FAM151A: variants seen among roughly 807,000 people sequenced by gnomAD.
FAM151A encodes the protein family with sequence similarity 151 member A.
FAM151A carries 41 observed loss-of-function variants against 40.4 expected under a neutral mutation model. The observed-to-expected ratio is 1.01, with a 90% CI of 0.79 to 1.32. The LOEUF (loss-of-function observed/expected upper bound fraction) is 1.32. FAM151A is among the 40% of genes most tolerant of loss of function. The pLI is 0.00. For synonymous variants in FAM151A, 337 were observed against 312.5 expected, an observed-to-expected ratio of 1.08 and a Z score of -0.83; for missense variants, 740 against 740.4, an observed-to-expected ratio of 1.00 and a Z score of 0.01.
chr1:54,616,168 G>A lies in FAM151A; in HGVS notation c.267C>T (p.Asn89=), dbSNP rs142814457. 3 of 1,613,206 alleles carry A rather than the reference G, an allele frequency of 1.9e-6. No homozygotes were observed. The highest frequency in any genetic ancestry group is 1.1e-5 in the South Asian group (1 of 90,960). ...TGACGTCAGCCTCCAGGACTGTGAT[G>A]TTGCCTGTGGAAGGGGCAACAACTC... is the stretch of plus-strand genomic sequence containing the variant. ...KKAMTAALNS[N]ITVLEADVNV... The change falls in exon 3 of 8, where the codon AAC becomes AAT. Residue 89 remains asparagine, a synonymous_variant. Transcript: ENST00000302250.
In FAM151A at chr1:54,611,667, A is replaced by G. The variant is rs1401424698; in HGVS notation, c.879T>C (p.Ala293=). The G allele has an allele frequency of 6.2e-7, 1 of 1,614,094 alleles. No individual in the cohort carries two copies. The highest frequency in any genetic ancestry group is 8.5e-7 in the Non-Finnish European group (1 of 1,179,986). Residue 293 remains alanine, a synonymous_variant, in exon 6 of 8, where the codon GCT becomes GCC. Coordinates refer to ENST00000302250, the MANE Select transcript of FAM151A (RefSeq NM_176782.3). The stretch of plus-strand genomic sequence containing the variant: ...AGATGTCATAGTAGACTTGGTGGAC[A>G]GCAGTGTTATCCCGGACGTAGAGCA... ...EDLLYVRDNT[A]VHQVYYDIFE...
intron 2 of FAM151A, 88 bp from the exon 3 acceptor site, chr1:54,616,260 C>A: frequency 2.5e-6 from 3 of 1,181,290 alleles, no homozygotes; most frequent in Non-Finnish European, 3.6e-6. Flanking sequence ...AATTACAGAA[C>A]ATTTGAGAAA....
At chr1:54,620,115 A>G in intron 1 of FAM151A, 108 bp from the exon 2 acceptor site, 1 of 1,191,092 alleles carries the variant, frequency 8.4e-7, no homozygotes, top group Non-Finnish European at 1.2e-6. Context: ...CCAGTACCCC[A>G]TCTGGCAGAG....
At chr1:54,615,648 G>A (rs2101019720) in intron 3 of FAM151A, among the ~76,000 whole-genome samples, 2 of 152,170 alleles carry the variant, frequency 1.3e-5, no homozygotes, top group Middle Eastern at 6.8e-3. Flanking sequence ...TTATGGTGAC[G>A]CCTGGATTCT....
chr1:54,618,228 G>A (rs536246663), intron 2 of FAM151A, among the ~76,000 whole-genome samples: 28 of 152,284 alleles, frequency 1.8e-4, no homozygotes, highest in African/African-American at 6.7e-4. Context: ...CCTCAGCCGG[G>A]CGCGGTGGCT....
chr1:54,613,500 C>G (rs1440010855), intron 4 of FAM151A, among the ~76,000 whole-genome samples: 1 of 151,992 alleles, frequency 6.6e-6, no homozygotes, highest in Non-Finnish European at 1.5e-5. Flanking sequence ...GTTGCCCAGG[C>G]TGGTCTCAAA....
At chr1:54,623,219 G>A in intron 1 of FAM151A, 59 bp downstream of exon 1, 1 of 1,120,714 alleles carries the variant, frequency 8.9e-7, no homozygotes, top group Non-Finnish European at 1.3e-6. Context: ...GTGAGAAGTG[G>A]GGATAAGGAG....
At chr1:54,612,838 C>T (rs772858122) in intron 4 of FAM151A, 128 bp from the exon 5 acceptor site, 2 of 682,540 alleles carry the variant, frequency 2.9e-6, no homozygotes, top group African/African-American at 3.6e-5. Flanking sequence ...AAGCAGAGTC[C>T]CAAAGGACAG....
chr1:54,615,155 T>C (rs1022834486), intron 3 of FAM151A, among the ~76,000 whole-genome samples: 2 of 151,992 alleles, frequency 1.3e-5, no homozygotes, highest in African/African-American at 4.8e-5. Context: ...GGGAATCAAG[T>C]CTCTGCTGAA....
intron 4 of FAM151A, among the ~76,000 whole-genome samples, chr1:54,613,293 C>T (rs568779892): frequency 5.5e-4 from 84 of 152,088 alleles, no homozygotes; most frequent in African/African-American, 1.9e-3. Flanking sequence ...GCAGGAAAAT[C>T]GCTTGAACCC....
chr1:54,610,641 C>G (rs1644108203), intron 6 of FAM151A, 86 bp from the exon 7 acceptor site: 7 of 1,538,958 alleles, frequency 4.5e-6, no homozygotes, highest in African/African-American at 4.1e-5. Flanking sequence ...GGCCACAGCT[C>G]TACGGGCATC....
Position 54,612,536 on chromosome 1 carries a change from C to A in FAM151A, c.750G>T (p.Met250Ile). 6.2e-7 allele frequency: 1 copy of A among 1,614,060 alleles called. No homozygotes were observed. The highest frequency in any genetic ancestry group is 1.1e-5 in the South Asian group (1 of 91,082). ...TGAAGTGGGGCCAGGCAGCCCGCAC[C>A]ATGGAAGACCGTACAGGGAAGGTGA... ...QRVTFPVRSS[M>I]VRAAWPHFSW... Residue 250 changes from methionine (M) to isoleucine (I), a missense_variant, in exon 5 of 8, where the codon ATG becomes ATT. By Grantham distance (10) the Met-to-Ile change is conservative. Coordinates refer to ENST00000302250, the MANE Select transcript of FAM151A (RefSeq NM_176782.3).
At chr1:54,613,714 C>T (rs1644142416) in intron 4 of FAM151A, among the ~76,000 whole-genome samples, 1 of 152,126 alleles carries the variant, frequency 6.6e-6, no homozygotes, top group African/African-American at 2.4e-5. Flanking sequence ...CCAAAAAAAC[C>T]CTACTGAGTA....
In FAM151A at chr1:54,609,191, C is replaced by G. The variant is rs1365582408; in HGVS notation, c.*77G>C. On this transcript the variant is annotated 3_prime_UTR_variant, in exon 8 of 8. Coordinates refer to ENST00000302250, the MANE Select transcript of FAM151A (RefSeq NM_176782.3). ...CTCACATACAGTGCCTGGAGAAAGC[C>G]AAAGACCTTTATTTCTTCCTGCCTC... 5.0e-6 allele frequency: 8 copies of G among 1,600,030 alleles called. No individual in the cohort carries two copies. The highest frequency in any genetic ancestry group is 1.3e-5 in the African/African-American group (1 of 74,686).
At position 54,609,971 on chromosome 1, in the gene FAM151A, T is replaced by C. The variant is rs886123305; in HGVS notation, c.1085-30A>G. 9 of 1,585,548 alleles carry C rather than the reference T, an allele frequency of 5.7e-6. No individual in the cohort carries two copies. The African/African-American group carries it at 1.1e-4, about 19-fold the overall frequency. On this transcript the variant is annotated intron_variant, in intron 7 of 7. Transcript: ENST00000302250. ...AAGAGGCGGCAGAGGCAACAGTGTT[T>C]AGGATTTGGGTTATCATAAGGTGTT... is the stretch of plus-strand genomic sequence containing the variant.
At chr1:54,620,321 G>C (rs945019339) in intron 1 of FAM151A, among the ~76,000 whole-genome samples, 1 of 152,250 alleles carries the variant, frequency 6.6e-6, no homozygotes, top group East Asian at 1.9e-4. Context: ...TCCAGACAGA[G>C]AGAAAGCAAA....
At chr1:54,612,409 C>T (rs1311665686) in intron 5 of FAM151A, 77 bp downstream of exon 5, 1 of 1,087,526 alleles carries the variant, frequency 9.2e-7, no homozygotes, top group Non-Finnish European at 1.4e-6. Context: ...TAAGACCCTT[C>T]CAGCCATGAG....
At chr1:54,614,167 C>G (rs1350829597) in intron 4 of FAM151A, among the ~76,000 whole-genome samples, 1 of 152,218 alleles carries the variant, frequency 6.6e-6, no homozygotes, top group Non-Finnish European at 1.5e-5. Context: ...CAAAGACATT[C>G]TCTCTCTTTG....
At chr1:54,617,982 C>T (rs1220612546) in intron 2 of FAM151A, among the ~76,000 whole-genome samples, 1 of 152,130 alleles carries the variant, frequency 6.6e-6, no homozygotes, top group East Asian at 1.9e-4. Flanking sequence ...CCGCCTCAGC[C>T]TCCCAAACTG....
Sources: allele counts gnomAD v4.1 joint callset (sites outside exome capture counted in the v4.1 genomes callset), GRCh38; gene constraint gnomAD v4.1.1; transcripts MANE v1.5; gene names NCBI Gene and HGNC (gene_info 2026-07-23, HGNC 2026-07-21).